The following PAXIP1 variants were observed in gnomAD, a reference collection of about 807,000 sequenced individuals.
PAXIP1 encodes the protein PAX-interacting protein 1.
Under a neutral mutation model 140.6 loss-of-function variants are expected in PAXIP1, and 19 were observed. That is an observed-to-expected ratio of 0.14 (90% CI 0.09 to 0.20). PAXIP1 has a LOEUF of 0.20. Ranked by LOEUF, PAXIP1 falls within the 10% of genes least tolerant of loss-of-function variation. PAXIP1 has a pLI of 1.00. For missense variants in PAXIP1, 920 were observed against 1,208.6 expected (o/e 0.76, Z 3.54); for synonymous variants, 442 against 444.6 (o/e 0.99, Z 0.07).
chr7:154,971,223 G>A (rs912978718), intron 6 of PAXIP1, among the ~76,000 whole-genome samples: 5 of 152,184 alleles, frequency 3.3e-5, no homozygotes, highest in Non-Finnish European at 7.3e-5. Context: ...TTCTACTACG[G>A]GCTTGAGTTA....
chr7:154,958,928 A>G (rs1182454955), intron 13 of PAXIP1, among the ~76,000 whole-genome samples: 1 of 152,236 alleles, frequency 6.6e-6, no homozygotes, highest in Admixed American at 6.5e-5. Flanking sequence ...CTTTAAAATT[A>G]AAATCATAAC....
chr7:155,002,214 G>C (rs540319849), intron 1 of PAXIP1: 15 of 152,380 alleles, frequency 9.8e-5, no homozygotes, highest in Non-Finnish European at 1.6e-4. Context: ...ATGTGATGGT[G>C]TTACCAGGGT....
intron 2 of PAXIP1, among the ~76,000 whole-genome samples, chr7:154,997,767 C>T (rs941311754): frequency 1.1e-4 from 16 of 152,210 alleles, no homozygotes; most frequent in African/African-American, 3.9e-4. Flanking sequence ...ACACCCCAGA[C>T]GACCAGTGGG....
chr7:154,968,993 T>C lies in PAXIP1; in HGVS notation c.1208A>G (p.Gln403Arg). Reference sequence around the variant, plus strand: ...CTGCTGCTGCTGGGCCTGCTGCTGCTGCTGTAGCATGTGTGTCTCTGGAGT... The same window carrying C: ...CTGCTGCTGCTGGGCCTGCTGCTGCCGCTGTAGCATGTGTGTCTCTGGAGT... Reference protein sequence around the residue: ...KVTPETHMLQQQQQAQQQQQQ... With the variant: ...KVTPETHMLQRQQQAQQQQQQ... The change falls in exon 7 of 21, where the codon CAG becomes CGG. Residue 403 changes from glutamine to arginine, a missense_variant. Gln to Arg is a conservative substitution (Grantham distance 43, BLOSUM62 1). This residue lies in a region of PAXIP1 where 419 missense variants were observed against 514.7 expected (regional missense o/e 0.81). Transcript: ENST00000404141. The C allele has an allele frequency of 6.4e-7, 1 of 1,551,152 alleles. No individual in the cohort carries two copies. The highest frequency in any genetic ancestry group is 8.7e-7 in the Non-Finnish European group (1 of 1,146,778).
chr7:154,961,287 C>T (rs987036204), intron 11 of PAXIP1, among the ~76,000 whole-genome samples: 18 of 152,294 alleles, frequency 1.2e-4, no homozygotes, highest in African/African-American at 3.8e-4. Flanking sequence ...AGGAGTCTTA[C>T]TTCTACCCTA....
At chr7:154,976,633 T>G (rs1044326347) in intron 5 of PAXIP1, among the ~76,000 whole-genome samples, 8 of 152,234 alleles carry the variant, frequency 5.3e-5, no homozygotes, top group Non-Finnish European at 1.0e-4. Context: ...GAGCTAGTAA[T>G]CCTATGGAAA....
chr7:154,976,179 CTCT>C lies in PAXIP1; in HGVS notation c.588_590del (p.Glu200del). 1 of 1,604,638 alleles carries C rather than the reference CTCT, an allele frequency of 6.2e-7. No homozygotes were observed. Among genetic ancestry groups the C allele is most frequent in the South Asian group, 1.1e-5 (1 of 90,266 alleles). On this transcript the variant is annotated inframe_deletion, in exon 6 of 21. Transcript: ENST00000404141. ...GTTCCTCATTTTCTACTTCCTCCTC[CTCT>C]TCCTCTTCCTCTTCTTCCTCTTCAT...
Position 155,002,959 on chromosome 7 carries a change from GGCGCCCGGCCCCGCCCACCCCCC to G in PAXIP1, c.-53_-31del. 2 of 1,122,800 alleles carry G rather than the reference GGCGCCCGGCCCCGCCCACCCCCC, an allele frequency of 1.8e-6. No homozygotes were observed. The highest frequency in any genetic ancestry group is 2.2e-6 in the Non-Finnish European group (2 of 891,164). 69.6% of individuals were successfully genotyped at this position (1,122,800 alleles called of 1,614,324 possible). On this transcript the variant is annotated 5_prime_UTR_variant, in exon 1 of 21. Coordinates refer to ENST00000404141, the MANE Select transcript of PAXIP1 (RefSeq NM_007349.4). ...GCGGCGGCCCGGGAGGCTCCGCGGCGGCGCCCGGCCCCGCCCACCCCCCGCCCCCGGCCCCCGCGGCGCCCGGC... is the reference window on the plus strand; with the variant it reads ...GCGGCGGCCCGGGAGGCTCCGCGGCGGCCCCCGGCCCCCGCGGCGCCCGGC...
intron 11 of PAXIP1, 69 bp downstream of exon 11, chr7:154,961,458 C>A: frequency 1.5e-6 from 2 of 1,306,938 alleles, no homozygotes; most frequent in South Asian, 3.1e-5. Flanking sequence ...AAAAAAGGCA[C>A]AATTATTGAA....
At chr7:154,951,692 A>G (rs1808278767) in intron 16 of PAXIP1, 1 of 152,230 alleles carries the variant, frequency 6.6e-6, no homozygotes, top group African/African-American at 2.4e-5. Flanking sequence ...GGAACTGTAA[A>G]CTTTATATAC....
At position 154,956,953 on chromosome 7, in the gene PAXIP1, T is replaced by C; in HGVS notation, c.2549+271A>G. On this transcript the variant is annotated intron_variant, in intron 14 of 20. Coordinates refer to ENST00000404141, the MANE Select transcript of PAXIP1 (RefSeq NM_007349.4). The surrounding 1 kb of genome is among the most constrained non-coding windows in gnomAD (Gnocchi z 4.2). ...TGGGTTCTAGACCTCCCACCCCACT[T>C]CCACCACTGCAACTTCTGTTTTACA... 3.4e-6 allele frequency: 1 copy of C among 291,076 alleles called. No homozygotes were observed. 18.0% of individuals were successfully genotyped at this position (291,076 alleles called of 1,614,324 possible).
In PAXIP1 at chr7:154,961,544, T is replaced by C; in HGVS notation, c.2232A>G (p.Thr744=). The C allele has an allele frequency of 3.1e-6, 5 of 1,606,760 alleles. No homozygotes were observed. In the African/African-American group the frequency reaches 4.0e-5, roughly 13 times the overall value. ...TTGCTTACTCTTTACAGATGAGGAC[T>C]GTGTTGCTGCGGCATAGATAACCCG... ...KYTGYLCRSN[T]VLICKEPTGL... Residue 744 remains threonine (T), a synonymous_variant, in exon 11 of 21, where the codon ACA becomes ACG. Transcript: ENST00000404141.
chr7:154,987,679 G>C (rs138028637), intron 4 of PAXIP1, among the ~76,000 whole-genome samples: 1 of 152,136 alleles, frequency 6.6e-6, no homozygotes. Context: ...CTCCTTCAGC[G>C]GTGCTGCCAC....
chr7:154,990,421 T>A (rs1810276638), intron 4 of PAXIP1, among the ~76,000 whole-genome samples: 1 of 152,208 alleles, frequency 6.6e-6, no homozygotes, highest in Non-Finnish European at 1.5e-5. Context: ...CTGCTCCCCT[T>A]TCCTAGGAAA....
rs1323368564 is a variant in PAXIP1 at position 154,956,471 on chromosome 7, G to A, written c.2549+753C>T. Reference sequence around the variant, plus strand: ...TTCACCATGTACAGTCTGGAAAGAAGAGTTTTCTAGAATCAAGGAAGAAAA... The same window carrying A: ...TTCACCATGTACAGTCTGGAAAGAAAAGTTTTCTAGAATCAAGGAAGAAAA... On this transcript the variant is annotated intron_variant, in intron 14 of 20. Coordinates refer to ENST00000404141, the MANE Select transcript of PAXIP1 (RefSeq NM_007349.4). The surrounding 1 kb of genome is among the most constrained non-coding windows in gnomAD (Gnocchi z 4.2). 2.0e-5 allele frequency: 3 copies of A among 152,180 alleles called. No individual in the cohort carries two copies. Among genetic ancestry groups the A allele is most frequent in the African/African-American group, 7.2e-5 (3 of 41,438 alleles). The allele number at this position is 152,180 out of a possible 1,614,324, so 9.4% of individuals were successfully genotyped here.
rs767882082 is a variant in PAXIP1, at chr7:154,956,210, G to T, written c.2550-579C>A. Among the ~76,000 whole-genome samples, 4 of 152,030 alleles carry T rather than the reference G, an allele frequency of 2.6e-5. No individual in the cohort carries two copies. The highest frequency in any genetic ancestry group is 4.4e-5 in the Non-Finnish European group (3 of 68,026). ...TTTTGTTTTTTACATGAATTTTTTA[G>T]GTCTTTTTTTCAGGTTATTATTTTC... On this transcript the variant is annotated intron_variant, in intron 14 of 20. Coordinates refer to ENST00000404141, the MANE Select transcript of PAXIP1 (RefSeq NM_007349.4). This position sits in a 1 kb window ranked among gnomAD's most constrained non-coding sequence, Gnocchi z 4.2.
intron 1 of PAXIP1, chr7:155,000,250 T>A (rs1810828586): frequency 6.6e-6 from 1 of 152,254 alleles, no homozygotes; most frequent in Admixed American, 6.5e-5. Context: ...AGGCTCAATA[T>A]TTAGTAAGTG....
intron 4 of PAXIP1, among the ~76,000 whole-genome samples, chr7:154,984,863 T>G (rs1193805461): frequency 6.6e-6 from 1 of 152,208 alleles, no homozygotes; most frequent in Non-Finnish European, 1.5e-5. Flanking sequence ...TTATTTTATT[T>G]TACTGACTGC....
chr7:154,982,843 G>A (rs144504911), intron 5 of PAXIP1, among the ~76,000 whole-genome samples: 1,619 of 152,076 alleles, frequency 0.011, 12 homozygotes, highest in Admixed American at 0.027. Context: ...CACCACACAC[G>A]TTTATAATTA....
Sources: gnomAD v4.1 joint callset for allele counts (sites outside exome capture counted in the v4.1 genomes callset) on GRCh38, gnomAD v4.1.1 for gene constraint, gnomAD v4.1.1 regional missense constraint, Gnocchi (gnomAD v3.1) non-coding constraint, MANE v1.5 for transcripts, NCBI Gene and HGNC (gene_info 2026-07-23, HGNC 2026-07-21) for gene names.